TRIM35: variants seen among roughly 807,000 people sequenced by gnomAD.
TRIM35 encodes the protein E3 ubiquitin-protein ligase TRIM35.
Under a neutral mutation model 49.1 loss-of-function variants are expected in TRIM35, and 37 were observed. The observed-to-expected ratio is 0.75, with a 90% CI of 0.58 to 0.99. The LOEUF (loss-of-function observed/expected upper bound fraction) is 0.99. Ranked by LOEUF, TRIM35 falls within the 50% of genes least tolerant of loss-of-function variation. TRIM35 has a pLI of 0.00. For synonymous variants in TRIM35, 302 were observed against 289.3 expected (o/e 1.04, Z -0.45); for missense variants, 648 against 702.7 (o/e 0.92, Z 0.88).
chr8:27,299,910 T>C (rs1802648946), intron 1 of TRIM35, among the ~76,000 whole-genome samples: 1 of 152,214 alleles, frequency 6.6e-6, no homozygotes, highest in Admixed American at 6.5e-5. Flanking sequence ...CTGATACTCA[T>C]GCTCTTGTGA....
rs1802289525 is a variant in TRIM35 at position 27,285,338 on chromosome 8, C to T, written c.*2212G>A. 1 of 152,124 alleles carries T rather than the reference C, an allele frequency of 6.6e-6. No individual in the cohort carries two copies. The highest frequency in any genetic ancestry group is 2.4e-5 in the African/African-American group (1 of 41,408). The allele number at this position is 152,124 out of a possible 1,614,324, so 9.4% of individuals were successfully genotyped here. A position where few individuals can be genotyped will look rare whatever the true frequency, so the allele number is the denominator to read the frequency against. Reference sequence around the variant, plus strand: ...GGGTTAAATAGAGTTTCATATGATCCAGCAAATCTGCTCCCAGGCATATAC... The same window carrying T: ...GGGTTAAATAGAGTTTCATATGATCTAGCAAATCTGCTCCCAGGCATATAC... On this transcript the variant is annotated 3_prime_UTR_variant, in exon 6 of 6. Coordinates refer to ENST00000305364, the MANE Select transcript of TRIM35 (RefSeq NM_171982.5).
intron 1 of TRIM35, among the ~76,000 whole-genome samples, chr8:27,302,075 A>C (rs1283587186): frequency 1.3e-5 from 2 of 152,200 alleles, no homozygotes; most frequent in African/African-American, 4.8e-5. Flanking sequence ...TAGCTGTAAA[A>C]AAGAGAGGAT....
intron 2 of TRIM35, among the ~76,000 whole-genome samples, chr8:27,296,824 C>T (rs901398641): frequency 1.3e-5 from 2 of 152,234 alleles, no homozygotes; most frequent in African/African-American, 4.8e-5. Flanking sequence ...ATTTATGGCT[C>T]TGACATCGGA....
Position 27,287,529 on chromosome 8 carries a change from C to A in TRIM35, c.*21G>T. On this transcript the variant is annotated 3_prime_UTR_variant, in exon 6 of 6. Transcript: ENST00000305364. This position sits in a 1 kb window ranked among gnomAD's most constrained non-coding sequence, Gnocchi z 6.0. ...AAGAAAACAGTGCTGTGGCACAAGA[C>A]CGGGGCAGCCCCGGGCCAGCTCAGC... 1 of 1,530,906 alleles carries A rather than the reference C, an allele frequency of 6.5e-7. No homozygotes were observed. The highest frequency in any genetic ancestry group is 8.8e-7 in the Non-Finnish European group (1 of 1,137,010). The allele number at this position is 1,530,906 out of a possible 1,614,324, so 94.8% of individuals were successfully genotyped here. A position where few individuals can be genotyped will look rare whatever the true frequency, so the allele number is the denominator to read the frequency against.
chr8:27,288,477 G>A (rs1224312819), intron 5 of TRIM35, among the ~76,000 whole-genome samples: 2 of 152,166 alleles, frequency 1.3e-5, no homozygotes, highest in East Asian at 1.9e-4. Flanking sequence ...GTGTGATGGC[G>A]GAGGTGAGGA....
chr8:27,287,659 C>A lies in TRIM35; in HGVS notation c.1373G>T (p.Gly458Val). The A allele has an allele frequency of 6.2e-7, 1 of 1,610,080 alleles. No homozygotes were observed. The highest frequency in any genetic ancestry group is 8.5e-7 in the Non-Finnish European group (1 of 1,178,382). The change falls in exon 6 of 6, where the codon GGG becomes GTG. Residue 458 changes from glycine (G) to valine (V), a missense_variant. Coordinates refer to ENST00000305364, the MANE Select transcript of TRIM35 (RefSeq NM_171982.5). This position sits in a 1 kb window ranked among gnomAD's most constrained non-coding sequence, Gnocchi z 6.0. Reference sequence around the variant, plus strand: ...CAGGTAGAAGTAGGGGCGAACCTCCCCAAAGCGGGCGTGGAAGGTGTACAG... The same window carrying A: ...CAGGTAGAAGTAGGGGCGAACCTCCACAAAGCGGGCGTGGAAGGTGTACAG... Reference protein sequence around the residue: ...CHLYTFHARFGEVRPYFYLGG... With the variant: ...CHLYTFHARFVEVRPYFYLGG...
At chr8:27,291,225 C>A (rs573253293) in intron 3 of TRIM35, among the ~76,000 whole-genome samples, 2 of 151,792 alleles carry the variant, frequency 1.3e-5, no homozygotes, top group East Asian at 3.9e-4. Flanking sequence ...AAAAGACAAC[C>A]CACATTAAAA....
chr8:27,310,345 G>A (rs1388069278), intron 1 of TRIM35, among the ~76,000 whole-genome samples: 1 of 152,212 alleles, frequency 6.6e-6, no homozygotes, highest in South Asian at 2.1e-4. Flanking sequence ...GATCAGCTTG[G>A]CAAGTAGGTG....
rs1802344117 is a variant in TRIM35, at chr8:27,287,316, T to A, written c.*234A>T. On this transcript the variant is annotated 3_prime_UTR_variant, in exon 6 of 6. Transcript: ENST00000305364. This position sits in a 1 kb window ranked among gnomAD's most constrained non-coding sequence, Gnocchi z 6.0. ...ATTCACATTGTGGAGGTGCCACGACTCGGGAGAGCCTGGCCAGCGAGGTGC... is the reference window on the plus strand; with the variant it reads ...ATTCACATTGTGGAGGTGCCACGACACGGGAGAGCCTGGCCAGCGAGGTGC... The A allele has an allele frequency of 1.9e-6, 1 of 516,984 alleles. No homozygotes were observed. The allele number at this position is 516,984 out of a possible 1,614,324, so 32.0% of individuals were successfully genotyped here.
At chr8:27,306,575 C>T (rs962565803) in intron 1 of TRIM35, among the ~76,000 whole-genome samples, 9 of 152,152 alleles carry the variant, frequency 5.9e-5, no homozygotes, top group African/African-American at 1.4e-4. Context: ...CTGCCTGCCT[C>T]GGCCTCCCAA....
intron 1 of TRIM35, among the ~76,000 whole-genome samples, chr8:27,310,106 T>C (rs528143252): frequency 5.9e-5 from 9 of 152,336 alleles, no homozygotes; most frequent in African/African-American, 1.7e-4. Flanking sequence ...TTGCTTCCTA[T>C]GGGCTAAGAT....
intron 1 of TRIM35, among the ~76,000 whole-genome samples, chr8:27,305,162 G>A (rs984867349): frequency 6.6e-6 from 1 of 152,232 alleles, no homozygotes; most frequent in Non-Finnish European, 1.5e-5. Context: ...GGCACATGCT[G>A]TGCATTCGGC....
rs191523796 is a variant in TRIM35, at chr8:27,306,388, C to T, written c.435+4413G>A. Among the ~76,000 whole-genome samples the T allele has an allele frequency of 2.5e-3, 380 of 150,058 alleles. 11 individuals are homozygous for T. In the East Asian group the frequency reaches 0.066, roughly 26 times the overall value. ...TCGTACAGGCTGGAGGGCAGTGGCA[C>T]GATCTCGGCTCACTGCAACCTCCAT... On this transcript the variant is annotated intron_variant, in intron 1 of 5. Transcript: ENST00000305364.
In TRIM35 at chr8:27,287,417, G is replaced by T; in HGVS notation, c.*133C>A. 1.0e-6 allele frequency: 1 copy of T among 967,142 alleles called. No homozygotes were observed. Among genetic ancestry groups the T allele is most frequent in the Non-Finnish European group, 1.5e-6 (1 of 662,876 alleles). The allele number at this position is 967,142 out of a possible 1,614,324, so 59.9% of individuals were successfully genotyped here. A position where few individuals can be genotyped will look rare whatever the true frequency, so the allele number is the denominator to read the frequency against. On this transcript the variant is annotated 3_prime_UTR_variant, in exon 6 of 6. Transcript: ENST00000305364. This position sits in a 1 kb window ranked among gnomAD's most constrained non-coding sequence, Gnocchi z 6.0. The stretch of plus-strand genomic sequence containing the variant: ...AGGCACAGCCTGGAGTCATGGAAAA[G>T]GACCAGGCAGGACAGGAGGAAGAGC...
In TRIM35 at chr8:27,286,493, C is replaced by A; in HGVS notation, c.*1057G>T. ...ACCAGAGGAACTTCCTCCACAGCAA[C>A]TATAACAGGACATCCTCATCCAGTC... is the stretch of plus-strand genomic sequence containing the variant. On this transcript the variant is annotated 3_prime_UTR_variant, in exon 6 of 6. Coordinates refer to ENST00000305364, the MANE Select transcript of TRIM35 (RefSeq NM_171982.5). 1 of 238,328 alleles carries A rather than the reference C, an allele frequency of 4.2e-6. No individual in the cohort carries two copies. Among genetic ancestry groups the A allele is most frequent in the South Asian group, 5.3e-5 (1 of 18,774 alleles). 14.8% of individuals were successfully genotyped at this position (238,328 alleles called of 1,614,324 possible).
At chr8:27,306,591 TG>T (rs1320230502) in intron 1 of TRIM35, among the ~76,000 whole-genome samples, 1 of 152,214 alleles carries the variant, frequency 6.6e-6, no homozygotes, top group Admixed American at 6.5e-5. Context: ...CCCAAAGTGC[TG>T]GGATTACAGG....
chr8:27,295,386 C>T (rs1802544653), intron 2 of TRIM35, among the ~76,000 whole-genome samples: 1 of 152,170 alleles, frequency 6.6e-6, no homozygotes. Context: ...GTGGCAATGG[C>T]AGGTTAGTAA....
Position 27,311,229 on chromosome 8 carries a change from G to A in TRIM35, c.7C>T (p.Arg3Trp), listed in dbSNP as rs753008590. 36 of 1,541,452 alleles carry A rather than the reference G, an allele frequency of 2.3e-5. No homozygotes were observed. In the African/African-American group the frequency reaches 3.4e-4, roughly 15 times the overall value. ...GGCCCGGGGGACACGTCGGGACTCCGCTCCATGGCACGAGCAGCCGGCTCG... is the reference window on the plus strand; with the variant it reads ...GGCCCGGGGGACACGTCGGGACTCCACTCCATGGCACGAGCAGCCGGCTCG... ME[R>W]SPDVSPGPSR... The change falls in exon 1 of 6, where the codon CGG becomes TGG. Residue 3 changes from arginine (R) to tryptophan (W), a missense_variant. By Grantham distance (101) the Arg-to-Trp change is moderately radical (BLOSUM62 -3). Transcript: ENST00000305364.
intron 1 of TRIM35, among the ~76,000 whole-genome samples, chr8:27,308,293 C>A (rs145527619): frequency 3.3e-5 from 5 of 152,196 alleles, no homozygotes; most frequent in African/African-American, 1.2e-4. Context: ...AATTTGTTGA[C>A]GTGTGAACAC....
Sources: gnomAD v4.1 joint callset for allele counts (sites outside exome capture counted in the v4.1 genomes callset) on GRCh38, gnomAD v4.1.1 for gene constraint, Gnocchi (gnomAD v3.1) non-coding constraint, MANE v1.5 for transcripts, NCBI Gene and HGNC (gene_info 2026-07-23, HGNC 2026-07-21) for gene names.